The following CDH18 variants were observed in gnomAD, a reference collection of about 807,000 sequenced individuals.
CDH18 encodes the protein cadherin-18.
In CDH18, 31 loss-of-function variants were observed where a neutral mutation model predicts 67.9. The observed-to-expected ratio is 0.46, with a 90% confidence interval of 0.34 to 0.62. The LOEUF is 0.62. Among genes scored for constraint, CDH18 ranks in the 20% least tolerant of loss-of-function variants. The pLI, the probability that CDH18 is intolerant of heterozygous loss-of-function variation, is 0.01. For synonymous variants in CDH18, 362 were observed against 347.2 expected, an observed-to-expected ratio of 1.04 and a Z score of -0.48; for missense variants, 890 against 975.5, an observed-to-expected ratio of 0.91 and a Z score of 1.17.
chr5:20,364,514 G>C (rs542739830), intron 1 of CDH18, among the ~76,000 whole-genome samples: 19 of 152,122 alleles, frequency 1.2e-4, no homozygotes, highest in Non-Finnish European at 2.1e-4. Flanking sequence ...ACAGAGTTGA[G>C]AGTCTAGGTT....
intron 1 of CDH18, among the ~76,000 whole-genome samples, chr5:20,448,327 A>G (rs931431744): frequency 1.2e-4 from 18 of 152,138 alleles, no homozygotes; most frequent in African/African-American, 4.3e-4. Context: ...TTGTATGACA[A>G]TGAACATTTA....
At chr5:20,296,731 T>C (rs1580692815) in intron 1 of CDH18, among the ~76,000 whole-genome samples, 1 of 151,834 alleles carries the variant, frequency 6.6e-6, no homozygotes, top group Non-Finnish European at 1.5e-5. Flanking sequence ...ATATTAAATG[T>C]AATTAAAATT....
intron 2 of CDH18, among the ~76,000 whole-genome samples, chr5:19,865,310 T>C (rs1031538317): frequency 1.3e-5 from 2 of 152,104 alleles, no homozygotes; most frequent in Non-Finnish European, 2.9e-5. Flanking sequence ...TCTTGATCCT[T>C]CCTTTCTCTT....
intron 2 of CDH18, among the ~76,000 whole-genome samples, chr5:20,095,298 TAAAAGAAAGAAAGAAAGAAAGAAAGAA>T (rs1457208335): frequency 1.5e-5 from 1 of 67,166 alleles, no homozygotes; most frequent in Non-Finnish European, 2.8e-5. Flanking sequence ...GAACTTAAAG[TAAAAGAAAGAAAGAAAGAAAGAAAGAA>T]AGAAAGAAAG....
Position 19,994,262 on chromosome 5 carries a change from CATATATGTATACATATATACACAT to C in CDH18, c.-517-2272_-517-2249del, listed in dbSNP as rs1288571722. Among the ~76,000 whole-genome samples, 3 of 147,136 alleles carry C rather than the reference CATATATGTATACATATATACACAT, an allele frequency of 2.0e-5. No homozygotes were observed. In the East Asian group the frequency reaches 6.0e-4, roughly 30 times the overall value. ...ACACACACATATACACATATATACACATATATGTATACATATATACACATATATGTATACATATATACACATATA... is the reference window on the plus strand; with the variant it reads ...ACACACACATATACACATATATACACATATGTATACATATATACACATATA... On this transcript the variant is annotated intron_variant, in intron 2 of 14. Coordinates refer to the CDH18 transcript ENST00000507958.
At chr5:20,271,383 C>G (rs1407465237) in intron 1 of CDH18, among the ~76,000 whole-genome samples, 1 of 151,860 alleles carries the variant, frequency 6.6e-6, no homozygotes, top group African/African-American at 2.4e-5. Flanking sequence ...TATAGTCAAC[C>G]ATAATATATT....
intron 2 of CDH18, among the ~76,000 whole-genome samples, chr5:19,898,493 C>G (rs2150105201): frequency 6.6e-6 from 1 of 151,892 alleles, no homozygotes; most frequent in East Asian, 1.9e-4. Flanking sequence ...TCATCCAGCT[C>G]TGCTTATTGA....
intron 1 of CDH18, among the ~76,000 whole-genome samples, chr5:20,564,363 C>T (rs1394925741): frequency 2.6e-5 from 4 of 151,512 alleles, no homozygotes; most frequent in African/African-American, 7.3e-5. Context: ...CTGAGACCTC[C>T]ACCTCCCAGG....
intron 1 of CDH18, among the ~76,000 whole-genome samples, chr5:20,432,505 A>G (rs1453456240): frequency 6.6e-6 from 1 of 152,098 alleles, no homozygotes; most frequent in South Asian, 2.1e-4. Context: ...TATGGCTTAG[A>G]TAACAGGAAT....
intron 1 of CDH18, among the ~76,000 whole-genome samples, chr5:20,257,697 T>A (rs1356877817): frequency 6.6e-6 from 1 of 152,182 alleles, no homozygotes; most frequent in Non-Finnish European, 1.5e-5. Context: ...TACACATTTA[T>A]TTAAATGCGA....
chr5:19,473,637 G>A lies in CDH18; in HGVS notation c.1962C>T (p.Asn654=), dbSNP rs1737935592. 1 of 1,613,694 alleles carries A rather than the reference G, an allele frequency of 6.2e-7. No individual in the cohort carries two copies. The highest frequency in any genetic ancestry group is 8.5e-7 in the Non-Finnish European group (1 of 1,179,780). Residue 654 remains asparagine, a synonymous_variant, in exon 13 of 13, where the codon AAC becomes AAT. Coordinates refer to ENST00000382275, the MANE Select transcript of CDH18 (RefSeq NM_004934.5). ...LIISEEDVRE[N]VVTYDDEGGG... is the part of the protein sequence containing the mutation. ...CTCCTTCATCATCATAGGTGACCAC[G>A]TTCTCCCGTACATCCTCTTCTGAAA...
intron 2 of CDH18, among the ~76,000 whole-genome samples, chr5:20,092,786 T>G (rs1289343118): frequency 1.3e-5 from 2 of 152,248 alleles, no homozygotes; most frequent in East Asian, 3.9e-4. Flanking sequence ...TTTAATATCT[T>G]AGAACCCAAA....
chr5:19,929,819 T>G (rs1224322965), intron 2 of CDH18, among the ~76,000 whole-genome samples: 1 of 152,120 alleles, frequency 6.6e-6, no homozygotes, highest in African/African-American at 2.4e-5. Context: ...CCAACTTATT[T>G]ATATATGTTG....
chr5:19,848,806 CAT>C, intron 2 of CDH18, among the ~76,000 whole-genome samples: 1 of 150,210 alleles, frequency 6.7e-6, no homozygotes, highest in Middle Eastern at 3.2e-3. Flanking sequence ...ACATATATAT[CAT>C]ATAAAATGCT....
rs1443329522 is a variant in CDH18 at position 19,472,936 on chromosome 5, G to T, written c.*290C>A. ...TATATTGAAACAAATATCATTGTTT[G>T]GCTTAATTCAGGTATTCTTAATAAA... is the stretch of plus-strand genomic sequence containing the variant. On this transcript the variant is annotated 3_prime_UTR_variant, in exon 13 of 13. Transcript: ENST00000382275. 7.5e-6 allele frequency: 2 copies of T among 266,712 alleles called. No homozygotes were observed. The highest frequency in any genetic ancestry group is 2.2e-5 in the African/African-American group (1 of 45,200). The allele number at this position is 266,712 out of a possible 1,614,324, so 16.5% of individuals were successfully genotyped here.
At chr5:20,340,866 C>A (rs1740199572) in intron 1 of CDH18, among the ~76,000 whole-genome samples, 1 of 152,170 alleles carries the variant, frequency 6.6e-6, no homozygotes, top group Non-Finnish European at 1.5e-5. Flanking sequence ...CTGGGTAGAA[C>A]TCTTGTTTAC....
chr5:20,465,097 G>A (rs1374054123), intron 1 of CDH18, among the ~76,000 whole-genome samples: 2 of 152,060 alleles, frequency 1.3e-5, no homozygotes, highest in Non-Finnish European at 2.9e-5. Flanking sequence ...CCAAATATAG[G>A]AGCAGAGGCA....
intron 1 of CDH18, among the ~76,000 whole-genome samples, chr5:20,345,665 A>G (rs1490597872): frequency 6.6e-6 from 1 of 152,146 alleles, no homozygotes; most frequent in African/African-American, 2.4e-5. Context: ...AACCCAGGAT[A>G]TAACAAAAGG....
intron 1 of CDH18, among the ~76,000 whole-genome samples, chr5:20,380,974 A>G (rs896756572): frequency 1.3e-5 from 2 of 152,172 alleles, no homozygotes; most frequent in African/African-American, 2.4e-5. Context: ...ATTTGGAGAC[A>G]GGACCTTTAA....
Sources: allele counts gnomAD v4.1 joint callset (sites outside exome capture counted in the v4.1 genomes callset), GRCh38; gene constraint gnomAD v4.1.1; transcripts MANE v1.5; gene names NCBI Gene and HGNC (gene_info 2026-07-23, HGNC 2026-07-21).